The following CDC42BPA variants were observed in gnomAD, a reference collection of about 807,000 sequenced individuals.
CDC42BPA encodes the protein CDC42 binding protein kinase alpha.
CDC42BPA carries 80 observed loss-of-function variants against 223.5 expected under a neutral mutation model. The ratio of observed to expected loss-of-function variants is 0.36; its 90% CI spans 0.30 to 0.43. The LOEUF is 0.43. Among genes scored for constraint, CDC42BPA ranks in the 20% least tolerant of loss-of-function variants. The pLI, the probability that CDC42BPA is intolerant of heterozygous loss-of-function variation, is 1.00. For missense variants in CDC42BPA, 1,743 were observed against 2,099.9 expected (o/e 0.83, Z 3.32); for synonymous variants, 694 against 718.6 (o/e 0.97, Z 0.55).
intron 6 of CDC42BPA, among the ~76,000 whole-genome samples, chr1:227,150,958 T>C (rs1329184399): frequency 6.6e-6 from 1 of 151,984 alleles, no homozygotes; most frequent in Non-Finnish European, 1.5e-5. Context: ...TCTAAATTTC[T>C]TAGGTTTTTT....
intron 5 of CDC42BPA, chr1:227,178,433 C>G (rs1237486595): frequency 6.5e-6 from 1 of 153,076 alleles, no homozygotes; most frequent in African/African-American, 2.4e-5. Context: ...CCACGTGGAA[C>G]TGTAAGTCCA....
chr1:227,088,788 C>T (rs1011208685), intron 16 of CDC42BPA, among the ~76,000 whole-genome samples: 1 of 152,058 alleles, frequency 6.6e-6, no homozygotes. Flanking sequence ...TGCAGTGGTG[C>T]GATCTCGGCT....
At chr1:227,266,607 T>C (rs533342272) in intron 1 of CDC42BPA, among the ~76,000 whole-genome samples, 24 of 152,358 alleles carry the variant, frequency 1.6e-4, no homozygotes, top group South Asian at 1.2e-3. Context: ...CCTGGAAATT[T>C]TGCCAAGTTT....
chr1:227,146,192 TG>T (rs1367488291), intron 7 of CDC42BPA, among the ~76,000 whole-genome samples: 1 of 152,230 alleles, frequency 6.6e-6, no homozygotes, highest in Admixed American at 6.5e-5. Context: ...TCATTTTAGG[TG>T]GGTACTCCTA....
At chr1:227,148,212 T>A (rs1477546724) in intron 6 of CDC42BPA, among the ~76,000 whole-genome samples, 2 of 152,102 alleles carry the variant, frequency 1.3e-5, no homozygotes, top group Non-Finnish European at 2.9e-5. Flanking sequence ...CCCAGCACTT[T>A]GGGAAGCCAA....
intron 1 of CDC42BPA, among the ~76,000 whole-genome samples, chr1:227,289,157 C>G (rs1384990664): frequency 6.6e-6 from 1 of 152,188 alleles, no homozygotes; most frequent in Non-Finnish European, 1.5e-5. Context: ...ATGACAACCA[C>G]AGTTACCCTT....
intron 5 of CDC42BPA, among the ~76,000 whole-genome samples, chr1:227,179,885 A>G (rs1213663760): frequency 6.6e-6 from 1 of 152,108 alleles, no homozygotes; most frequent in African/African-American, 2.4e-5. Context: ...CTAATAAAGA[A>G]AAGTTCACCA....
intron 1 of CDC42BPA, among the ~76,000 whole-genome samples, chr1:227,261,729 G>GAA (rs1684117058): frequency 6.6e-6 from 1 of 152,144 alleles, no homozygotes; most frequent in Non-Finnish European, 1.5e-5. Context: ...AACGAATGAA[G>GAA]GTATTGCTGG....
intron 21 of CDC42BPA, chr1:227,059,544 T>C: frequency 3.9e-6 from 3 of 778,624 alleles, no homozygotes; most frequent in African/African-American, 1.7e-5. Flanking sequence ...AGGTTGAATG[T>C]ACATGTATTT....
chr1:227,013,621 T>C (rs931549278), intron 34 of CDC42BPA, among the ~76,000 whole-genome samples: 2 of 152,128 alleles, frequency 1.3e-5, no homozygotes, highest in African/African-American at 2.4e-5. Context: ...CACTGTAGTA[T>C]GCGGGCTAGA....
At chr1:227,132,595 G>A (rs1015434832) in intron 10 of CDC42BPA, among the ~76,000 whole-genome samples, 1 of 139,376 alleles carries the variant, frequency 7.2e-6, no homozygotes, top group South Asian at 2.3e-4. Flanking sequence ...GCCGCCCATC[G>A]TCTGGGATGT....
At chr1:227,132,659 C>T (rs1223764898) in intron 10 of CDC42BPA, among the ~76,000 whole-genome samples, 1 of 150,592 alleles carries the variant, frequency 6.6e-6, no homozygotes, top group Non-Finnish European at 1.5e-5. Context: ...CGTCTCTGCC[C>T]GGCCGCCATC....
rs368193166 is a variant in CDC42BPA, at chr1:227,258,176, G to GGA, written c.179-4022_179-4021insTC. Among the ~76,000 whole-genome samples the GGA allele has an allele frequency of 2.3e-4, 25 of 108,096 alleles. 1 individual carries two copies. The highest frequency in any genetic ancestry group is 2.2e-4 in the African/African-American group (6 of 26,814). 70.9% of individuals were successfully genotyped at this position (108,096 alleles called of 152,430 possible). A position where few individuals can be genotyped will look rare whatever the true frequency, so the allele number is the denominator to read the frequency against. ...GGCAACAGGGTGAAACCCTGTCCGG[G>GGA]AAAAAAAAAAAAAAAAAAGAACTGA... is the stretch of plus-strand genomic sequence containing the variant. On this transcript the variant is annotated intron_variant, in intron 1 of 36. Coordinates refer to ENST00000366766, the MANE Select transcript of CDC42BPA (RefSeq NM_001394014.1).
At chr1:227,115,118 A>T (rs1178986846) in intron 12 of CDC42BPA, among the ~76,000 whole-genome samples, 2 of 152,136 alleles carry the variant, frequency 1.3e-5, no homozygotes, top group Non-Finnish European at 2.9e-5. Flanking sequence ...TTTAGATGGT[A>T]ATTTTATGTT....
intron 2 of CDC42BPA, among the ~76,000 whole-genome samples, chr1:227,227,907 T>C (rs1302501487): frequency 3.3e-5 from 5 of 152,222 alleles, no homozygotes; most frequent in Admixed American, 3.3e-4. Flanking sequence ...AAGAAACAAG[T>C]AGTCATCAGT....
At chr1:227,102,060 A>G (rs966687781) in intron 14 of CDC42BPA, among the ~76,000 whole-genome samples, 1 of 152,162 alleles carries the variant, frequency 6.6e-6, no homozygotes, top group African/African-American at 2.4e-5. Context: ...AACTTTTAAA[A>G]CTAAAAGAAT....
chr1:227,263,977 T>C (rs750522351), intron 1 of CDC42BPA, among the ~76,000 whole-genome samples: 15 of 151,308 alleles, frequency 9.9e-5, no homozygotes, highest in Non-Finnish European at 1.8e-4. Context: ...CTCTTTAGTA[T>C]AGTAACTCCA....
rs146716984 is a variant in CDC42BPA at position 227,051,706 on chromosome 1, T to C, written c.3009+175A>G. 7.2e-5 allele frequency among the ~76,000 whole-genome samples: 11 copies of C among 152,332 alleles called. 1 individual carries two copies. The East Asian group carries it at 2.1e-3, about 29-fold the overall frequency. On this transcript the variant is annotated intron_variant, in intron 22 of 36. Transcript: ENST00000366766. ...TTTCAGATTGACTATTTGAGGACAATGTGCTCTTTAGTTTTTTACTTCTAC... is the reference window on the plus strand; with the variant it reads ...TTTCAGATTGACTATTTGAGGACAACGTGCTCTTTAGTTTTTTACTTCTAC...
At chr1:227,059,222 GCACAGCAA>G in intron 21 of CDC42BPA, 1 of 662,552 alleles carries the variant, frequency 1.5e-6, no homozygotes, top group Non-Finnish European at 2.6e-6. Flanking sequence ...CATAAAAGCA[GCACAGCAA>G]CAGCAGGAGC....
Sources: allele counts gnomAD v4.1 joint callset (sites outside exome capture counted in the v4.1 genomes callset), GRCh38; gene constraint gnomAD v4.1.1; transcripts MANE v1.5; gene names NCBI Gene and HGNC (gene_info 2026-07-23, HGNC 2026-07-21).